The following CFAP300 variants were observed in gnomAD, a reference collection of about 807,000 sequenced individuals.
The protein encoded by CFAP300 is cilia and flagella associated protein 300, also known as cilia- and flagella-associated protein 300.
In CFAP300, 32 loss-of-function variants were observed where a neutral mutation model predicts 33.0. The ratio of observed to expected loss-of-function variants is 0.97; its 90% confidence interval spans 0.73 to 1.30. CFAP300 has a LOEUF of 1.30. Ranked by LOEUF, CFAP300 falls within the 50% of genes most tolerant of loss-of-function variation. The probability of loss-of-function intolerance (pLI) is 0.00; values close to 1 mark genes in which losing one functional copy is unlikely to be tolerated. For missense variants in CFAP300, 356 were observed against 318.1 expected (o/e 1.12, Z -0.90); for synonymous variants, 102 against 106.8 (o/e 0.95, Z 0.28).
intron 2 of CFAP300, among the ~76,000 whole-genome samples, chr11:102,056,534 T>C (rs1942059008): frequency 6.6e-6 from 1 of 152,142 alleles, no homozygotes; most frequent in South Asian, 2.1e-4. Flanking sequence ...TATTTTCATT[T>C]CTTTCACTGC....
chr11:102,072,480 A>G (rs1942327184), intron 4 of CFAP300, among the ~76,000 whole-genome samples: 1 of 150,056 alleles, frequency 6.7e-6, no homozygotes, highest in African/African-American at 2.5e-5. Context: ...TTTTTTTTTT[A>G]GGACTAGAGA....
rs756530636 is a variant in CFAP300 at position 102,047,789 on chromosome 11, G to T, written c.111-26G>T. ...TCTGAGAGGGTGCCAGCCCCCAGAT[G>T]ATTTCTTTTTCCTCCTCTGCCCCAG... On this transcript the variant is annotated intron_variant, in intron 1 of 6. Coordinates refer to ENST00000434758, the MANE Select transcript of CFAP300 (RefSeq NM_032930.3). 1.2e-5 allele frequency: 19 copies of T among 1,612,576 alleles called. No individual in the cohort carries two copies. In the Admixed American group the frequency reaches 1.5e-4, roughly 13 times the overall value.
At chr11:102,055,830 G>A (rs1365376523) in intron 2 of CFAP300, among the ~76,000 whole-genome samples, 2 of 151,766 alleles carry the variant, frequency 1.3e-5, no homozygotes, top group South Asian at 2.1e-4. Context: ...CCGCCACCAC[G>A]CCCAGATAAT....
intron 4 of CFAP300, among the ~76,000 whole-genome samples, chr11:102,067,789 T>C (rs1330571855): frequency 3.3e-5 from 5 of 152,164 alleles, no homozygotes; most frequent in Admixed American, 1.3e-4. Context: ...CACCTGTGGT[T>C]CCAGCTACTT....
intron 2 of CFAP300, among the ~76,000 whole-genome samples, chr11:102,049,547 G>C (rs779420880): frequency 5.3e-5 from 8 of 152,088 alleles, no homozygotes; most frequent in Non-Finnish European, 1.2e-4. Flanking sequence ...TGGTGTTATA[G>C]TGCCATTATA....
intron 5 of CFAP300, among the ~76,000 whole-genome samples, chr11:102,080,157 A>T (rs1942452751): frequency 6.6e-6 from 1 of 152,092 alleles, no homozygotes. Flanking sequence ...ATTGTGTAAA[A>T]AATGTTTTAC....
chr11:102,051,167 A>G (rs1189000908), intron 2 of CFAP300, among the ~76,000 whole-genome samples: 2 of 152,306 alleles, frequency 1.3e-5, no homozygotes, highest in East Asian at 3.9e-4. Context: ...GAAGAATTAC[A>G]AGGAAAATGA....
chr11:102,080,715 T>C (rs1025075576), intron 5 of CFAP300, among the ~76,000 whole-genome samples: 9 of 152,204 alleles, frequency 5.9e-5, no homozygotes, highest in African/African-American at 2.2e-4. Context: ...ATAGTTTTTA[T>C]ATACATTATC....
Position 102,066,623 on chromosome 11 carries a change from C to A in CFAP300, c.407C>A (p.Pro136Gln). Residue 136 changes from proline to glutamine, a missense_variant, in exon 4 of 7, where the codon CCA becomes CAA. By Grantham distance (76) the Pro-to-Gln change is moderately conservative (BLOSUM62 -1). Transcript: ENST00000434758. ...AAATGTTTAGATTCTTTTTGTGATC[C>A]ATTTCTCATTTCTGATGAGTTACGA... is the stretch of plus-strand genomic sequence containing the variant. Reference protein sequence around the residue: ...IVKCLDSFCDPFLISDELRRV... With the variant: ...IVKCLDSFCDQFLISDELRRV... 6.2e-7 allele frequency: 1 copy of A among 1,606,604 alleles called. No individual in the cohort carries two copies. Among genetic ancestry groups the A allele is most frequent in the Non-Finnish European group, 8.5e-7 (1 of 1,178,208 alleles).
chr11:102,075,031 G>A (rs569920032), intron 4 of CFAP300, among the ~76,000 whole-genome samples: 132 of 152,200 alleles, frequency 8.7e-4, no homozygotes, highest in Non-Finnish European at 1.6e-3. Flanking sequence ...TTAAAATAGG[G>A]AGGCTGAGGC....
At chr11:102,065,693 G>A (rs1392126623) in intron 3 of CFAP300, among the ~76,000 whole-genome samples, 3 of 151,742 alleles carry the variant, frequency 2.0e-5, no homozygotes, top group Admixed American at 1.3e-4. Flanking sequence ...CTTGAACCAG[G>A]GAGGCAGGGG....
chr11:102,081,821 G>A (rs1316618798), intron 6 of CFAP300, among the ~76,000 whole-genome samples: 5 of 150,966 alleles, frequency 3.3e-5, no homozygotes, highest in Admixed American at 1.3e-4. Flanking sequence ...AACCTGGGAG[G>A]CGGAGGTTGC....
At chr11:102,057,452 T>C (rs1176165174) in intron 2 of CFAP300, among the ~76,000 whole-genome samples, 2 of 152,182 alleles carry the variant, frequency 1.3e-5, no homozygotes, top group Non-Finnish European at 2.9e-5. Context: ...AGTTAGTTTT[T>C]TTTTTTAATC....
rs185451743 is a variant in CFAP300, at chr11:102,048,240, C to G, written c.192+344C>G. Among the ~76,000 whole-genome samples, 331 of 152,110 alleles carry G rather than the reference C, an allele frequency of 2.2e-3. 1 individual carries two copies. The highest frequency in any genetic ancestry group is 7.4e-3 in the African/African-American group (309 of 41,496). ...ATTTTGTTTTATTTTATTTTATTTACTTATTTTTTGAAACAGGGTCTTTCT... is the reference window on the plus strand; with the variant it reads ...ATTTTGTTTTATTTTATTTTATTTAGTTATTTTTTGAAACAGGGTCTTTCT... On this transcript the variant is annotated intron_variant, in intron 2 of 6. Coordinates refer to ENST00000434758, the MANE Select transcript of CFAP300 (RefSeq NM_032930.3).
At chr11:102,059,423 C>T (rs1453224784) in intron 3 of CFAP300, among the ~76,000 whole-genome samples, 3 of 151,544 alleles carry the variant, frequency 2.0e-5, no homozygotes, top group East Asian at 1.9e-4. Context: ...CTGAGGCGGG[C>T]GGATCACTTG....
At chr11:102,067,082 G>A (rs904869123) in intron 4 of CFAP300, among the ~76,000 whole-genome samples, 1 of 152,214 alleles carries the variant, frequency 6.6e-6, no homozygotes, top group Non-Finnish European at 1.5e-5. Flanking sequence ...GCTCTCGCTT[G>A]TAATTCCAGC....
intron 4 of CFAP300, among the ~76,000 whole-genome samples, chr11:102,074,761 G>GCAGT (rs1173778688): frequency 1.3e-5 from 2 of 149,700 alleles, no homozygotes; most frequent in Non-Finnish European, 3.0e-5. Flanking sequence ...GTGCAGTGGT[G>GCAGT]CAGTCACAGT....
chr11:102,080,176 A>C (rs1264247381), intron 5 of CFAP300, among the ~76,000 whole-genome samples: 2 of 152,128 alleles, frequency 1.3e-5, no homozygotes, highest in Admixed American at 6.6e-5. Context: ...ACAAACTGTA[A>C]GGCATTATAA....
intron 3 of CFAP300, among the ~76,000 whole-genome samples, chr11:102,059,365 A>G (rs1042010558): frequency 2.0e-5 from 3 of 151,616 alleles, no homozygotes; most frequent in Non-Finnish European, 4.4e-5. Flanking sequence ...AGTGTAGCCA[A>G]GGGCCAGGCA....
Sources: allele counts gnomAD v4.1 joint callset (sites outside exome capture counted in the v4.1 genomes callset), GRCh38; gene constraint gnomAD v4.1.1; transcripts MANE v1.5; gene names NCBI Gene and HGNC (gene_info 2026-07-23, HGNC 2026-07-21).